The following AGBL1 variants were observed in gnomAD, a reference collection of about 807,000 sequenced individuals.
AGBL1 encodes AGBL carboxypeptidase 1.
Under a neutral mutation model 118.9 loss-of-function variants are expected in AGBL1, and 130 were observed. The ratio of observed to expected loss-of-function variants is 1.09; its 90% CI spans 0.95 to 1.26. The LOEUF (loss-of-function observed/expected upper bound fraction) is 1.26, where lower values mean the gene tolerates loss of function less well. AGBL1 is among the 50% of genes most tolerant of loss of function. AGBL1 has a pLI of 0.00. For missense variants in AGBL1, 1,584 were observed against 1,298.1 expected, an observed-to-expected ratio of 1.22 and a Z score of -3.38; for synonymous variants, 555 against 478.9, an observed-to-expected ratio of 1.16 and a Z score of -2.08.
intron 6 of AGBL1, among the ~76,000 whole-genome samples, chr15:86,234,785 C>T (rs1211264419): frequency 6.6e-6 from 1 of 152,120 alleles, no homozygotes; most frequent in East Asian, 1.9e-4. Flanking sequence ...GAGTACAGTA[C>T]TGGATCTTGG....
chr15:86,149,769 A>G (rs1212149495), intron 3 of AGBL1, among the ~76,000 whole-genome samples: 2 of 152,210 alleles, frequency 1.3e-5, no homozygotes, highest in East Asian at 3.8e-4. Flanking sequence ...GCTCTGCAGC[A>G]AGCAGACCTA....
chr15:86,582,040 G>C (rs190293475), intron 21 of AGBL1, among the ~76,000 whole-genome samples: 1 of 152,190 alleles, frequency 6.6e-6, no homozygotes, highest in East Asian at 1.9e-4. Context: ...TGGTAGTAGA[G>C]GCTGACATTG....
At chr15:86,588,031 C>A (rs10520633) in intron 21 of AGBL1, among the ~76,000 whole-genome samples, 13,647 of 152,216 alleles carry the variant, frequency 0.09, 1,911 homozygotes, top group African/African-American at 0.3. Context: ...ACTAACATAT[C>A]TGCTGGCACT....
At chr15:86,647,433 C>A (rs556893735) in intron 21 of AGBL1, among the ~76,000 whole-genome samples, 1 of 152,170 alleles carries the variant, frequency 6.6e-6, no homozygotes, top group Non-Finnish European at 1.5e-5. Flanking sequence ...GGGCGCAGCG[C>A]CTTACGCCTG....
At chr15:86,080,713 A>G (rs574015660) in intron 1 of AGBL1, among the ~76,000 whole-genome samples, 1 of 152,320 alleles carries the variant, frequency 6.6e-6, no homozygotes, top group South Asian at 2.1e-4. Context: ...ACCCACCCCC[A>G]AAGACATGGA....
At chr15:86,153,212 A>G (rs1455481089) in intron 3 of AGBL1, among the ~76,000 whole-genome samples, 1 of 152,212 alleles carries the variant, frequency 6.6e-6, no homozygotes, top group Non-Finnish European at 1.5e-5. Flanking sequence ...ACATGCACAC[A>G]TATGTTTATT....
intron 22 of AGBL1, among the ~76,000 whole-genome samples, chr15:86,857,951 G>A (rs1334033302): frequency 6.6e-6 from 1 of 152,152 alleles, no homozygotes; most frequent in Non-Finnish European, 1.5e-5. Context: ...TCTTGGCACT[G>A]TAGTTTTGGG....
At chr15:86,448,224 G>C (rs2082149858) in intron 18 of AGBL1, among the ~76,000 whole-genome samples, 1 of 152,188 alleles carries the variant, frequency 6.6e-6, no homozygotes, top group Admixed American at 6.5e-5. Flanking sequence ...AAGAAGCAAA[G>C]CTCATCATGG....
intron 22 of AGBL1, among the ~76,000 whole-genome samples, chr15:86,788,942 A>C (rs981463861): frequency 5.9e-5 from 9 of 152,354 alleles, no homozygotes; most frequent in Middle Eastern, 3.4e-3. Context: ...ATCATAGAAA[A>C]AGAAGTAATG....
chr15:86,960,006 C>T (rs766881478), intron 23 of AGBL1, among the ~76,000 whole-genome samples: 36 of 152,040 alleles, frequency 2.4e-4, no homozygotes, highest in Admixed American at 6.6e-4. Flanking sequence ...TTTAAGGTTT[C>T]GGGTAAATGT....
At chr15:86,492,068 C>G (rs1596184745) in intron 18 of AGBL1, among the ~76,000 whole-genome samples, 1 of 152,154 alleles carries the variant, frequency 6.6e-6, no homozygotes, top group Admixed American at 6.5e-5. Context: ...TCCCTACCCT[C>G]AAAGTGCTCC....
intron 17 of AGBL1, among the ~76,000 whole-genome samples, chr15:86,308,446 C>T (rs1027054778): frequency 6.6e-6 from 1 of 152,184 alleles, no homozygotes; most frequent in African/African-American, 2.4e-5. Context: ...AGAACCTGAC[C>T]TTGTTGGCAC....
At chr15:86,873,242 A>T (rs2079755042) in intron 22 of AGBL1, among the ~76,000 whole-genome samples, 1 of 152,056 alleles carries the variant, frequency 6.6e-6, no homozygotes, top group South Asian at 2.1e-4. Context: ...GTGGGAGCAA[A>T]GGCATGTTGG....
chr15:86,950,306 T>TA (rs1341951701), intron 23 of AGBL1, among the ~76,000 whole-genome samples: 1 of 150,724 alleles, frequency 6.6e-6, no homozygotes, highest in Admixed American at 6.6e-5. Flanking sequence ...ACTAATGGAA[T>TA]AAAAAACAAA....
At chr15:86,528,578 G>C (rs4516199) in intron 19 of AGBL1, among the ~76,000 whole-genome samples, 3 of 131,060 alleles carry the variant, frequency 2.3e-5, no homozygotes, top group Non-Finnish European at 5.0e-5. Flanking sequence ...CAAAGCAGCC[G>C]GGAAGCTCGA....
intron 18 of AGBL1, among the ~76,000 whole-genome samples, chr15:86,463,497 G>A (rs1208364941): frequency 6.6e-6 from 1 of 152,088 alleles, no homozygotes; most frequent in Admixed American, 6.6e-5. Flanking sequence ...TGGTGTTTTA[G>A]TCATGAAGTC....
At chr15:86,823,237 C>T (rs1002434173) in intron 22 of AGBL1, among the ~76,000 whole-genome samples, 2 of 152,128 alleles carry the variant, frequency 1.3e-5, no homozygotes, top group Admixed American at 6.6e-5. Flanking sequence ...AACCTAAATA[C>T]TCACCTTTAA....
chr15:86,316,046 A>G (rs2080001905), intron 17 of AGBL1, among the ~76,000 whole-genome samples: 1 of 152,200 alleles, frequency 6.6e-6, no homozygotes, highest in Non-Finnish European at 1.5e-5. Flanking sequence ...TTTTATTCAA[A>G]TGAATCCAAA....
chr15:86,981,894 C>T (rs1463720877), intron 23 of AGBL1, among the ~76,000 whole-genome samples: 1 of 152,160 alleles, frequency 6.6e-6, no homozygotes, highest in East Asian at 1.9e-4. Flanking sequence ...CTTAGTCCAG[C>T]AGAATGATTC....
Sources: gnomAD v4.1 joint callset for allele counts (sites outside exome capture counted in the v4.1 genomes callset) on GRCh38, gnomAD v4.1.1 for gene constraint, MANE v1.5 for transcripts, NCBI Gene and HGNC (gene_info 2026-07-23, HGNC 2026-07-21) for gene names.